The following PRIM2 variants were observed in gnomAD, a reference collection of about 807,000 sequenced individuals.
The protein encoded by PRIM2 is DNA primase subunit 2, also known as DNA primase large subunit.
In PRIM2, 39 loss-of-function variants were observed where a neutral mutation model predicts 67.3. That is an observed-to-expected ratio of 0.58 (90% CI 0.45 to 0.76). The LOEUF is 0.76. Among genes scored for constraint, PRIM2 ranks in the 30% least tolerant of loss-of-function variants. The pLI, the probability that PRIM2 is intolerant of heterozygous loss-of-function variation, is 0.00. For missense variants in PRIM2, 398 were observed against 598.7 expected (o/e 0.66, Z 3.50); for synonymous variants, 143 against 198.7 (o/e 0.72, Z 2.36).
chr6:57,292,101 C>T, the PRIM2 span, among the ~76,000 whole-genome samples: 22 of 152,254 alleles, frequency 1.4e-4, no homozygotes, highest in African/African-American at 4.6e-4. Flanking sequence ...AAAACCCCAT[C>T]GTCTCGGCCC....
chr6:57,392,852 C>T (rs1163670114), intron 7 of PRIM2, among the ~76,000 whole-genome samples: 1 of 151,944 alleles, frequency 6.6e-6, no homozygotes, highest in Non-Finnish European at 1.5e-5. Flanking sequence ...TGCCTTACAT[C>T]CTCATAGCAT....
chr6:57,298,944 C>G, the PRIM2 span, among the ~76,000 whole-genome samples: 1 of 152,046 alleles, frequency 6.6e-6, no homozygotes, highest in Non-Finnish European at 1.5e-5. Flanking sequence ...CCAATTATAA[C>G]TTCACACTAT....
At chr6:57,263,603 T>G in the PRIM2 span, among the ~76,000 whole-genome samples, 1 of 152,204 alleles carries the variant, frequency 6.6e-6, no homozygotes, top group Non-Finnish European at 1.5e-5. Context: ...AAAGGCCCTG[T>G]TTCCAAATGA....
intron 7 of PRIM2, among the ~76,000 whole-genome samples, chr6:57,470,362 T>G (rs1245692244): frequency 5.4e-5 from 7 of 130,092 alleles, no homozygotes; most frequent in African/African-American, 2.0e-4. Context: ...TTGGCTTGGG[T>G]TTTTAGTGTT....
chr6:57,273,933 A>C, the PRIM2 span, among the ~76,000 whole-genome samples: 2 of 152,226 alleles, frequency 1.3e-5, no homozygotes, highest in Non-Finnish European at 2.9e-5. Flanking sequence ...CGGTGGCTGC[A>C]GAACAGCGGA....
chr6:57,585,654 G>A (rs1437113026), intron 10 of PRIM2, among the ~76,000 whole-genome samples: 1 of 152,140 alleles, frequency 6.6e-6, no homozygotes, highest in Non-Finnish European at 1.5e-5. Context: ...TATTGAAGGT[G>A]AACAGATAGT....
rs1554347296 is a variant in PRIM2, at chr6:57,507,374, T to C, written c.694-13T>C. ...CCTTTGCTGTTTTTACTAATTTTCT[T>C]CCCTGCTTTTAGTTAACAGCCAGGT... On this transcript the variant is annotated splice_polypyrimidine_tract_variant and intron_variant, in intron 7 of 13. Coordinates refer to ENST00000615550, the MANE Select transcript of PRIM2 (RefSeq NM_000947.5). The C allele has an allele frequency of 2.3e-4, 350 of 1,503,682 alleles. 3 individuals are homozygous for C. Among genetic ancestry groups the C allele is most frequent in the Non-Finnish European group, 3.0e-4 (335 of 1,121,982 alleles). 93.1% of individuals were successfully genotyped at this position (1,503,682 alleles called of 1,614,324 possible).
At chr6:57,524,088 G>C (rs1226335527) in intron 8 of PRIM2, among the ~76,000 whole-genome samples, 16 of 151,976 alleles carry the variant, frequency 1.1e-4, no homozygotes, top group African/African-American at 3.9e-4. Flanking sequence ...TTGCTGTCTT[G>C]GTCATTCCCC....
the PRIM2 span, among the ~76,000 whole-genome samples, chr6:57,302,342 T>C: frequency 3.0e-4 from 45 of 152,316 alleles, no homozygotes; most frequent in African/African-American, 1.0e-3. Context: ...TGCATTTAAG[T>C]ACATACTTGA....
At chr6:57,421,540 A>G (rs1771466743) in intron 7 of PRIM2, among the ~76,000 whole-genome samples, 1 of 152,216 alleles carries the variant, frequency 6.6e-6, no homozygotes, top group Non-Finnish European at 1.5e-5. Context: ...AGAATTTTAA[A>G]TGTTTGTGAC....
In PRIM2 at chr6:57,374,576, G is replaced by T. The variant is rs184107913; in HGVS notation, c.460-5325G>T. Among the ~76,000 whole-genome samples, 1,478 of 149,286 alleles carry T rather than the reference G, an allele frequency of 9.9e-3. 11 individuals are homozygous for T. The highest frequency in any genetic ancestry group is 0.047 in the Middle Eastern group (13 of 274). On this transcript the variant is annotated intron_variant, in intron 5 of 13. Coordinates refer to ENST00000615550, the MANE Select transcript of PRIM2 (RefSeq NM_000947.5). ...CAAAGTGCTGGGATTACAGGCGTGA[G>T]CCACCGCGCCCGGCCTTATTTATTT...
At chr6:57,633,142 A>G (rs1337748878) in intron 13 of PRIM2, among the ~76,000 whole-genome samples, 7 of 152,210 alleles carry the variant, frequency 4.6e-5, no homozygotes, top group Admixed American at 2.6e-4. Context: ...AGGCATTCAC[A>G]TTGACAAATT....
the PRIM2 span, among the ~76,000 whole-genome samples, chr6:57,258,933 C>T: frequency 1.3e-5 from 2 of 152,132 alleles, no homozygotes; most frequent in African/African-American, 4.8e-5. Context: ...TTCCCTTTGC[C>T]ACCAATATCT....
chr6:57,399,802 C>A (rs1770644602), intron 7 of PRIM2, among the ~76,000 whole-genome samples: 3 of 152,026 alleles, frequency 2.0e-5, no homozygotes, highest in Non-Finnish European at 2.9e-5. Context: ...TGATGATGAG[C>A]ATTTTTTCAT....
intron 10 of PRIM2, among the ~76,000 whole-genome samples, chr6:57,551,466 C>G (rs1195590107): frequency 6.6e-6 from 1 of 152,204 alleles, no homozygotes; most frequent in Non-Finnish European, 1.5e-5. Context: ...ATTGATTAGG[C>G]ACCCTAAGAA....
intron 12 of PRIM2, among the ~76,000 whole-genome samples, chr6:57,607,048 A>G (rs1776576616): frequency 6.6e-6 from 1 of 152,368 alleles, no homozygotes; most frequent in South Asian, 2.1e-4. Flanking sequence ...ATTGTGACAT[A>G]GCAAAGACTA....
intron 7 of PRIM2, among the ~76,000 whole-genome samples, chr6:57,422,160 T>G (rs1387952961): frequency 2.4e-5 from 3 of 125,446 alleles, no homozygotes; most frequent in Non-Finnish European, 4.8e-5. Context: ...TTTTCTTTCT[T>G]TTTTTTTTTT....
chr6:57,240,302 T>C, the PRIM2 span, among the ~76,000 whole-genome samples: 1 of 152,044 alleles, frequency 6.6e-6, no homozygotes, highest in East Asian at 1.9e-4. Context: ...GGCTTCTCTA[T>C]GTTGGTTAGG....
chr6:57,377,134 C>T (rs1394057079), intron 5 of PRIM2, among the ~76,000 whole-genome samples: 2 of 151,882 alleles, frequency 1.3e-5, no homozygotes, highest in African/African-American at 2.4e-5. Context: ...ATGATCCACC[C>T]GCCTCAGCCT....
Sources: gnomAD v4.1 joint callset for allele counts (sites outside exome capture counted in the v4.1 genomes callset) on GRCh38, gnomAD v4.1.1 for gene constraint, MANE v1.5 for transcripts, NCBI Gene and HGNC (gene_info 2026-07-23, HGNC 2026-07-21) for gene names.